MAP3K1: variants seen among roughly 807,000 people sequenced by gnomAD.
The protein encoded by MAP3K1 is mitogen-activated protein kinase kinase kinase 1, also known as MAP/ERK kinase kinase 1.
A neutral mutation model predicts 144.2 loss-of-function variants in MAP3K1; 36 were observed. That is an observed-to-expected ratio of 0.25 (90% CI 0.19 to 0.33). The LOEUF is 0.33. MAP3K1 is among the 10% of genes least tolerant of loss of function. The probability of loss-of-function intolerance (pLI) is 1.00; values close to 1 mark genes in which losing one functional copy is unlikely to be tolerated. For missense variants in MAP3K1, 1,650 were observed against 1,881.9 expected, an observed-to-expected ratio of 0.88 and a Z score of 2.28; for synonymous variants, 718 against 688.7, an observed-to-expected ratio of 1.04 and a Z score of -0.67.
intron 1 of MAP3K1, among the ~76,000 whole-genome samples, chr5:56,841,269 C>T (rs1245722618): frequency 6.6e-6 from 1 of 151,504 alleles, no homozygotes; most frequent in Non-Finnish European, 1.5e-5. Flanking sequence ...TTTGTGCTCT[C>T]TACTTTCTCG....
At position 56,881,129 on chromosome 5, in the gene MAP3K1, T is replaced by G. The variant is rs1748192798; in HGVS notation, c.2226T>G (p.Leu742=). The G allele has an allele frequency of 1.9e-6, 3 of 1,613,850 alleles. No individual in the cohort carries two copies. The highest frequency in any genetic ancestry group is 8.5e-7 in the Non-Finnish European group (1 of 1,179,910). ...GGVDYVLNCI[L]GNQTESNNWQ... is the part of the protein sequence containing the mutation. ...TTGATTATGTCTTAAATTGTATTCT[T>G]GGAAACCAAACTGAATCAAACAATT... The change falls in exon 13 of 20, where the codon CTT becomes CTG. Residue 742 remains leucine, a synonymous_variant. Coordinates refer to ENST00000399503, the MANE Select transcript of MAP3K1 (RefSeq NM_005921.2).
chr5:56,857,496 A>T (rs963102095), intron 2 of MAP3K1, among the ~76,000 whole-genome samples: 1 of 152,198 alleles, frequency 6.6e-6, no homozygotes, highest in Non-Finnish European at 1.5e-5. Context: ...TTGTTCTTTT[A>T]AAACAGATAT....
intron 3 of MAP3K1, among the ~76,000 whole-genome samples, chr5:56,863,353 A>G (rs111559939): frequency 3.3e-5 from 5 of 152,184 alleles, no homozygotes; most frequent in African/African-American, 9.7e-5. Flanking sequence ...TATTTTCTCT[A>G]TATATATAAT....
At chr5:56,863,050 ACAGC>A in intron 3 of MAP3K1, among the ~76,000 whole-genome samples, 1 of 152,298 alleles carries the variant, frequency 6.6e-6, no homozygotes, top group Admixed American at 6.5e-5. Context: ...CCAATCACAA[ACAGC>A]CAGCCAGCCT....
chr5:56,860,768 G>A (rs151083151), intron 3 of MAP3K1, among the ~76,000 whole-genome samples: 2 of 151,992 alleles, frequency 1.3e-5, no homozygotes, highest in East Asian at 1.9e-4. Flanking sequence ...CAGGAGAATC[G>A]CTTGAACCCA....
intron 1 of MAP3K1, among the ~76,000 whole-genome samples, chr5:56,817,586 T>C (rs1043107839): frequency 1.3e-5 from 2 of 152,378 alleles, no homozygotes; most frequent in East Asian, 3.9e-4. Context: ...CACTTGTACA[T>C]GTAATTTATT....
intron 1 of MAP3K1, chr5:56,820,717 T>C (rs945838470): frequency 3.0e-5 from 30 of 985,216 alleles, no homozygotes; most frequent in Non-Finnish European, 3.5e-5. Flanking sequence ...CCCTTTGTTA[T>C]TGTTTTAGAT....
At chr5:56,852,990 A>G (rs911273877) in intron 1 of MAP3K1, among the ~76,000 whole-genome samples, 1 of 152,228 alleles carries the variant, frequency 6.6e-6, no homozygotes, top group African/African-American at 2.4e-5. Context: ...TATAACAAAA[A>G]CAATACAAGT....
rs201491763 is a variant in MAP3K1, at chr5:56,880,818, T to G, written c.2179+16T>G. On this transcript the variant is annotated intron_variant, in intron 12 of 19. Transcript: ENST00000399503. ...CTAAAAGCTGGTAATAACTTTTCAC[T>G]TAAAAGGAATATAGCATATTTTATC... 5.0e-3 allele frequency: 7,897 copies of G among 1,581,146 alleles called. 25 individuals are homozygous for G. The highest frequency in any genetic ancestry group is 6.1e-3 in the Non-Finnish European group (7,040 of 1,150,378).
In MAP3K1 at chr5:56,895,282, C is replaced by T. The variant is rs960612821; in HGVS notation, c.*1602C>T. 6.5e-5 allele frequency: 15 copies of T among 231,358 alleles called. No homozygotes were observed. Among genetic ancestry groups the T allele is most frequent in the African/African-American group, 1.1e-4 (5 of 45,034 alleles). The allele number at this position is 231,358 out of a possible 1,614,324, so 14.3% of individuals were successfully genotyped here. A position where few individuals can be genotyped will look rare whatever the true frequency, so the allele number is the denominator to read the frequency against. ...ACATTCCTTTGTTTTGGAAGATTGG[C>T]GATATTTGAAGAGTTAAAAATAGTA... On this transcript the variant is annotated 3_prime_UTR_variant, in exon 20 of 20. Coordinates refer to ENST00000399503, the MANE Select transcript of MAP3K1 (RefSeq NM_005921.2).
At chr5:56,839,162 A>G (rs943836738) in intron 1 of MAP3K1, among the ~76,000 whole-genome samples, 4 of 152,248 alleles carry the variant, frequency 2.6e-5, no homozygotes, top group Middle Eastern at 3.2e-3. Context: ...GTTCCTAACA[A>G]TAGTATCTCA....
At chr5:56,883,766 T>G (rs1748296730) in intron 15 of MAP3K1, 87 bp downstream of exon 15, 1 of 1,350,440 alleles carries the variant, frequency 7.4e-7, no homozygotes, top group African/African-American at 1.4e-5. Flanking sequence ...TATGTCCACG[T>G]GTGTGTACTT....
intron 1 of MAP3K1, among the ~76,000 whole-genome samples, chr5:56,836,610 T>G (rs1457402794): frequency 6.6e-6 from 1 of 152,208 alleles, no homozygotes; most frequent in Non-Finnish European, 1.5e-5. Flanking sequence ...GACTTGTTAC[T>G]GTTTACATGA....
At chr5:56,877,483 TC>T (rs1561196561) in intron 10 of MAP3K1, among the ~76,000 whole-genome samples, 1 of 151,352 alleles carries the variant, frequency 6.6e-6, no homozygotes, top group Non-Finnish European at 1.5e-5. Flanking sequence ...TTCCTCTGTC[TC>T]TTCCTTTTTT....
At chr5:56,823,254 G>C (rs776211957) in intron 1 of MAP3K1, among the ~76,000 whole-genome samples, 1 of 152,122 alleles carries the variant, frequency 6.6e-6, no homozygotes, top group Non-Finnish European at 1.5e-5. Context: ...CCCTTGTTCC[G>C]TGGCAGGGTT....
In MAP3K1 at chr5:56,847,832, G is replaced by A. The variant is rs1025209525; in HGVS notation, c.483-8768G>A. The stretch of plus-strand genomic sequence containing the variant: ...ACAGTTGTCAGTATTTTATGCAGAC[G>A]TTATTTTATATGTTCCAGTGGTGTC... On this transcript the variant is annotated intron_variant, in intron 1 of 19. Transcript: ENST00000399503. Among the ~76,000 whole-genome samples, 6 of 152,240 alleles carry A rather than the reference G, an allele frequency of 3.9e-5. No individual in the cohort carries two copies. In the South Asian group the frequency reaches 6.2e-4, roughly 16 times the overall value.
rs759232332 is a variant in MAP3K1 at position 56,881,646 on chromosome 5, T to C, written c.2446T>C (p.Ser816Pro). The C allele has an allele frequency of 5.0e-6, 8 of 1,614,116 alleles. No individual in the cohort carries two copies. The highest frequency in any genetic ancestry group is 6.8e-6 in the Non-Finnish European group (8 of 1,179,984). ...TTCCCACTCAATGGTTGGCAAACTTTCCAGAAGGATCTACTTGAGTTCTGC... is the reference window on the plus strand; with the variant it reads ...TTCCCACTCAATGGTTGGCAAACTTCCCAGAAGGATCTACTTGAGTTCTGC... ...DNSHSMVGKL[S>P]RRIYLSSARM... The change falls in exon 14 of 20, where the codon TCC becomes CCC. Residue 816 changes from serine (S) to proline (P), a missense_variant. Coordinates refer to ENST00000399503, the MANE Select transcript of MAP3K1 (RefSeq NM_005921.2).
intron 10 of MAP3K1, among the ~76,000 whole-genome samples, chr5:56,875,650 C>CAA (rs1748001706): frequency 2.0e-5 from 3 of 152,046 alleles, no homozygotes; most frequent in Non-Finnish European, 4.4e-5. Context: ...TTCCACTTAC[C>CAA]ACTAGAGACA....
chr5:56,881,044 CTA>C, intron 12 of MAP3K1, 37 bp from the exon 13 acceptor site: 2 of 1,500,430 alleles, frequency 1.3e-6, no homozygotes, highest in Non-Finnish European at 1.8e-6. Flanking sequence ...TTTAATATCA[CTA>C]TTTTTTAATC....
Sources: allele counts gnomAD v4.1 joint callset (sites outside exome capture counted in the v4.1 genomes callset), GRCh38; gene constraint gnomAD v4.1.1; transcripts MANE v1.5; gene names NCBI Gene and HGNC (gene_info 2026-07-23, HGNC 2026-07-21).